GCNT2: variants seen among roughly 807,000 people sequenced by gnomAD.
The protein encoded by GCNT2 is N-acetyllactosaminide beta-1,6-N-acetylglucosaminyl-transferase.
A neutral mutation model predicts 34.2 loss-of-function variants in GCNT2; 34 were observed. That is an observed-to-expected ratio of 1.00 (90% CI 0.76 to 1.32). The LOEUF (loss-of-function observed/expected upper bound fraction) is 1.32, where lower values mean the gene tolerates loss of function less well. Among genes scored for constraint, GCNT2 ranks in the 40% most tolerant of loss-of-function variants. The pLI, the probability that GCNT2 is intolerant of heterozygous loss-of-function variation, is 0.00. For missense variants in GCNT2, 584 were observed against 489.4 expected (o/e 1.19, Z -1.82); for synonymous variants, 212 against 188.0 (o/e 1.13, Z -1.04).
intron 3 of GCNT2, among the ~76,000 whole-genome samples, chr6:10,571,090 A>C (rs1561808275): frequency 6.6e-6 from 1 of 152,186 alleles, no homozygotes; most frequent in Non-Finnish European, 1.5e-5. Context: ...AGTTATACAA[A>C]TTTGGAGATT....
intron 3 of GCNT2, among the ~76,000 whole-genome samples, chr6:10,562,656 GAAAAAAAAAAA>G (rs57868433): frequency 3.9e-5 from 3 of 77,530 alleles, no homozygotes; most frequent in African/African-American, 1.3e-4. Context: ...GAACTTCTCT[GAAAAAAAAAAA>G]AAAAAAAAAA....
chr6:10,587,005 T>C (rs1764384770), intron 3 of GCNT2: 1 of 915,606 alleles, frequency 1.1e-6, no homozygotes, highest in South Asian at 1.4e-5. Context: ...TATTATGAAA[T>C]AAATTTAAAT....
At chr6:10,542,428 A>G (rs1181327235) in intron 3 of GCNT2, among the ~76,000 whole-genome samples, 21 of 152,286 alleles carry the variant, frequency 1.4e-4, no homozygotes, top group African/African-American at 4.8e-4. Context: ...TGTACAATGT[A>G]ATGATTTTTA....
At chr6:10,623,585 C>T (rs1027882148) in intron 4 of GCNT2, among the ~76,000 whole-genome samples, 5 of 152,148 alleles carry the variant, frequency 3.3e-5, no homozygotes, top group South Asian at 2.1e-4. Flanking sequence ...CCACCGCACC[C>T]GGCCTGTACT....
chr6:10,558,590 A>G (rs1762830071), intron 3 of GCNT2, among the ~76,000 whole-genome samples: 1 of 152,222 alleles, frequency 6.6e-6, no homozygotes, highest in Non-Finnish European at 1.5e-5. Flanking sequence ...CTCAATGAAA[A>G]ATACAAAATG....
At chr6:10,571,907 C>A (rs1763570219) in intron 3 of GCNT2, among the ~76,000 whole-genome samples, 1 of 149,496 alleles carries the variant, frequency 6.7e-6, no homozygotes, top group South Asian at 2.1e-4. Flanking sequence ...CCCCTCCACA[C>A]CCCCTGAGAT....
At chr6:10,542,828 G>A (rs559137998) in intron 3 of GCNT2, among the ~76,000 whole-genome samples, 1 of 151,316 alleles carries the variant, frequency 6.6e-6, no homozygotes, top group Admixed American at 6.6e-5. Context: ...GTCACTATGG[G>A]GACACATGTT....
At chr6:10,573,105 A>T (rs1763626040) in intron 3 of GCNT2, 1 of 792,470 alleles carries the variant, frequency 1.3e-6, no homozygotes, top group Non-Finnish European at 1.5e-6. Flanking sequence ...CTATTTTAAG[A>T]CTTTTGTTTC....
chr6:10,604,861 AAAAAAG>A lies in GCNT2; in HGVS notation c.926-16474_926-16469del, dbSNP rs927296904. 1.8e-4 allele frequency among the ~76,000 whole-genome samples: 21 copies of A among 115,720 alleles called. 1 individual carries two copies. The highest frequency in any genetic ancestry group is 4.6e-4 in the African/African-American group (18 of 38,968). The allele number at this position is 115,720 out of a possible 152,430, so 75.9% of individuals were successfully genotyped here. A position where few individuals can be genotyped will look rare whatever the true frequency, so the allele number is the denominator to read the frequency against. ...GTGACAGAGTGAGACCTTGTCTCAA[AAAAAAG>A]AAAAAGAAAAAGAAAGAAAAATGTA... On this transcript the variant is annotated intron_variant, in intron 3 of 4. Transcript: ENST00000495262.
At chr6:10,588,072 G>A (rs1168862292) in intron 3 of GCNT2, among the ~76,000 whole-genome samples, 2 of 152,100 alleles carry the variant, frequency 1.3e-5, no homozygotes, top group African/African-American at 4.8e-5. Context: ...CCAATAACAC[G>A]GCATTCCTAA....
intron 3 of GCNT2, among the ~76,000 whole-genome samples, chr6:10,617,289 G>C (rs565768003): frequency 3.9e-5 from 6 of 152,186 alleles, no homozygotes; most frequent in East Asian, 1.9e-4. Flanking sequence ...CCCGGGCGGC[G>C]GGGCCGGCCG....
rs1761348261 is a variant in GCNT2 at position 10,529,175 on chromosome 6, C to T, written c.264C>T (p.Leu88=). 3.1e-6 allele frequency: 5 copies of T among 1,614,060 alleles called. No individual in the cohort carries two copies. The highest frequency in any genetic ancestry group is 4.2e-6 in the Non-Finnish European group (5 of 1,180,024). Residue 88 remains leucine, a synonymous_variant, in exon 3 of 5, where the codon CTC becomes CTT. Transcript: ENST00000495262. ...MVRSHYVTET[L]SEEEAGFPLA... ...GAAGCCACTATGTAACAGAAACACTCTCTGAAGAAGAGGCTGGGTTCCCTT... is the reference window on the plus strand; with the variant it reads ...GAAGCCACTATGTAACAGAAACACTTTCTGAAGAAGAGGCTGGGTTCCCTT...
chr6:10,620,495 C>CTTCCT (rs1439779878), intron 3 of GCNT2, among the ~76,000 whole-genome samples: 2 of 151,892 alleles, frequency 1.3e-5, no homozygotes, highest in East Asian at 3.9e-4. Flanking sequence ...CAGCCTTGAC[C>CTTCCT]TTCCTAGGCT....
intron 3 of GCNT2, among the ~76,000 whole-genome samples, chr6:10,600,952 A>C (rs1388562479): frequency 1.3e-5 from 2 of 151,810 alleles, no homozygotes; most frequent in Non-Finnish European, 2.9e-5. Flanking sequence ...CACCACACCC[A>C]GCAAATTTTT....
chr6:10,603,081 AAAC>A (rs1260435090), intron 3 of GCNT2, among the ~76,000 whole-genome samples: 33 of 152,338 alleles, frequency 2.2e-4, no homozygotes, highest in African/African-American at 7.2e-4. Context: ...CAAGTGCTGC[AAAC>A]AACAGAATCT....
At chr6:10,531,892 T>TTTTTTTG (rs5874279) in intron 3 of GCNT2, among the ~76,000 whole-genome samples, 1 of 151,614 alleles carries the variant, frequency 6.6e-6, no homozygotes, top group Non-Finnish European at 1.5e-5. Flanking sequence ...TTTTTTTTTT[T>TTTTTTTG]TTAGAGAAGA....
chr6:10,524,154 G>A (rs1761074309), intron 1 of GCNT2, among the ~76,000 whole-genome samples: 2 of 151,920 alleles, frequency 1.3e-5, no homozygotes, highest in Non-Finnish European at 2.9e-5. Flanking sequence ...CACTCCAAGA[G>A]GAAGCTGTGA....
At chr6:10,604,712 T>C (rs1407147964) in intron 3 of GCNT2, among the ~76,000 whole-genome samples, 3 of 151,720 alleles carry the variant, frequency 2.0e-5, no homozygotes, top group South Asian at 4.2e-4. Context: ...AATACAAAAA[T>C]TAGCCAGGCA....
chr6:10,581,613 A>T (rs1581440004), intron 3 of GCNT2: 2 of 242,270 alleles, frequency 8.3e-6, no homozygotes, highest in African/African-American at 4.6e-5. Context: ...ACTATAAATC[A>T]TGCTGCCACT....
Sources: gnomAD v4.1 joint callset for allele counts (sites outside exome capture counted in the v4.1 genomes callset) on GRCh38, gnomAD v4.1.1 for gene constraint, MANE v1.5 for transcripts, NCBI Gene and HGNC (gene_info 2026-07-23, HGNC 2026-07-21) for gene names.